Variants in HAUS6 observed in about 807,000 individuals in gnomAD.
The protein encoded by HAUS6 is HAUS augmin like complex subunit 6, also known as HAUS augmin-like complex subunit 6.
Under a neutral mutation model 106.8 loss-of-function variants are expected in HAUS6, and 80 were observed. The ratio of observed to expected loss-of-function variants is 0.75; its 90% CI spans 0.63 to 0.90. The LOEUF is 0.90. Ranked by LOEUF, HAUS6 falls within the 40% of genes least tolerant of loss-of-function variation. The pLI, the probability that HAUS6 is intolerant of heterozygous loss-of-function variation, is 0.00. For missense variants in HAUS6, 1,155 were observed against 1,118.1 expected, an observed-to-expected ratio of 1.03 and a Z score of -0.47; for synonymous variants, 356 against 379.1, an observed-to-expected ratio of 0.94 and a Z score of 0.71.
rs961913006 is a variant in HAUS6 at position 19,083,080 on chromosome 9, T to C, written c.700-37A>G. 4 of 1,312,238 alleles carry C rather than the reference T, an allele frequency of 3.0e-6. No homozygotes were observed. In the African/African-American group the frequency reaches 6.0e-5, roughly 20 times the overall value. The allele number at this position is 1,312,238 out of a possible 1,614,324, so 81.3% of individuals were successfully genotyped here. A position where few individuals can be genotyped will look rare whatever the true frequency, so the allele number is the denominator to read the frequency against. ...GAAACAAAATATTAAAGTCCACACA[T>C]AATCTGTACATATTTTAAAAATGTA... On this transcript the variant is annotated intron_variant, in intron 7 of 16. Transcript: ENST00000380502.
chr9:19,074,922 C>CA (rs1248168119), intron 11 of HAUS6, among the ~76,000 whole-genome samples: 1 of 152,042 alleles, frequency 6.6e-6, no homozygotes, highest in Non-Finnish European at 1.5e-5. Flanking sequence ...TGAGCTTCCA[C>CA]AAAAAACCTG....
chr9:19,071,090 A>G lies in HAUS6; in HGVS notation c.1295-790T>C, dbSNP rs542623857. On this transcript the variant is annotated intron_variant, in intron 11 of 16. Coordinates refer to ENST00000380502, the MANE Select transcript of HAUS6 (RefSeq NM_017645.5). The stretch of plus-strand genomic sequence containing the variant: ...CTTCTGAAAGGCTTTCCCCATTTGT[A>G]CATGTCCAAGTGGAACAGAAGCCAT... 6.6e-4 allele frequency among the ~76,000 whole-genome samples: 100 copies of G among 152,348 alleles called. 1 individual carries two copies. Among genetic ancestry groups the G allele is most frequent in the Non-Finnish European group, 1.3e-3 (86 of 68,042 alleles).
At position 19,056,400 on chromosome 9, in the gene HAUS6, T is replaced by G. The variant is rs201056474; in HGVS notation, c.2811A>C (p.Glu937Asp). Residue 937 changes from glutamate to aspartate, a missense_variant, in exon 17 of 17, where the codon GAA becomes GAC. Glu to Asp is a conservative substitution (Grantham distance 45). Transcript: ENST00000380502. ...SLGELPNLKE[E>D]DILNKSLDAK... ...CATCAAGGCTCTTATTCAAAATGTCTTCTTCTGCAAATTGATTTTAAAAAA... is the reference window on the plus strand; with the variant it reads ...CATCAAGGCTCTTATTCAAAATGTCGTCTTCTGCAAATTGATTTTAAAAAA... 2.7e-4 allele frequency: 412 copies of G among 1,544,864 alleles called. No individual in the cohort carries two copies. The highest frequency in any genetic ancestry group is 4.5e-4 in the South Asian group (40 of 89,290).
Position 19,062,990 on chromosome 9 carries a change from A to G in HAUS6, c.1629+18T>C. 2 of 1,567,038 alleles carry G rather than the reference A, an allele frequency of 1.3e-6. No homozygotes were observed. Among genetic ancestry groups the G allele is most frequent in the Non-Finnish European group, 8.8e-7 (1 of 1,140,048 alleles). On this transcript the variant is annotated intron_variant, in intron 14 of 16. Transcript: ENST00000380502. The stretch of plus-strand genomic sequence containing the variant: ...CAATAACTGATATTTAAGTATACTC[A>G]TTACAGTCTTTTCTCACCTCTTCTA...
chr9:19,091,997 C>G (rs1444233375), intron 4 of HAUS6, among the ~76,000 whole-genome samples: 2 of 151,966 alleles, frequency 1.3e-5, no homozygotes, highest in East Asian at 1.9e-4. Flanking sequence ...ACAAATTGCT[C>G]TTAAACATGA....
In HAUS6 at chr9:19,089,391, A is replaced by G. The variant is rs749393481; in HGVS notation, c.584+21T>C. On this transcript the variant is annotated intron_variant, in intron 5 of 16. Coordinates refer to ENST00000380502, the MANE Select transcript of HAUS6 (RefSeq NM_017645.5). The stretch of plus-strand genomic sequence containing the variant: ...GTTCAAAAGAAAGAAATTATTTTCT[A>G]ACTATCAAGGTACTACTTACTGTGC... 2.7e-6 allele frequency: 4 copies of G among 1,504,494 alleles called. No individual in the cohort carries two copies. In the South Asian group the frequency reaches 4.5e-5, roughly 17 times the overall value. 93.2% of individuals were successfully genotyped at this position (1,504,494 alleles called of 1,614,324 possible). A position where few individuals can be genotyped will look rare whatever the true frequency, so the allele number is the denominator to read the frequency against.
At chr9:19,059,984 T>C (rs780760518) in intron 15 of HAUS6, 104 bp downstream of exon 15, 3 of 831,422 alleles carry the variant, frequency 3.6e-6, no homozygotes, top group Non-Finnish European at 5.7e-6. Context: ...ACAGCATAAA[T>C]AAACAGCCTT....
Position 19,080,504 on chromosome 9 carries a change from T to C in HAUS6, c.1039A>G (p.Arg347Gly), listed in dbSNP as rs1837117268. Reference sequence around the variant, plus strand: ...CTCATATGTTTCAGATCTGATAATCTTTCCTTCTGAAATTTGGTCTCTTTT... The same window carrying C: ...CTCATATGTTTCAGATCTGATAATCCTTCCTTCTGAAATTTGGTCTCTTTT... ...LEKETKFQKE[R>G]LSDLKHMRYR... The change falls in exon 9 of 17, where the codon AGA becomes GGA. Residue 347 changes from arginine to glycine, a missense_variant. Arg to Gly is a moderately radical substitution (Grantham distance 125). Around this residue, in one of 3 missense-constraint regions of HAUS6, gnomAD observed 761 missense variants for 690.0 expected, o/e 1.10. Coordinates refer to ENST00000380502, the MANE Select transcript of HAUS6 (RefSeq NM_017645.5). The C allele has an allele frequency of 2.5e-6, 4 of 1,607,664 alleles. No homozygotes were observed. The African/African-American group carries it at 4.0e-5, about 16-fold the overall frequency.
chr9:19,088,714 A>C (rs1443447992), intron 5 of HAUS6, among the ~76,000 whole-genome samples: 1 of 133,848 alleles, frequency 7.5e-6, no homozygotes, highest in Non-Finnish European at 1.6e-5. Context: ...CTATAAATAC[A>C]AAAAAAAAAA....
chr9:19,098,264 G>A (rs567626756), intron 1 of HAUS6, among the ~76,000 whole-genome samples: 4 of 151,998 alleles, frequency 2.6e-5, no homozygotes, highest in South Asian at 4.2e-4. Context: ...ATGGCGAATC[G>A]CCATCTCCAC....
intron 1 of HAUS6, among the ~76,000 whole-genome samples, chr9:19,102,069 T>C (rs1156455325): frequency 1.3e-5 from 2 of 152,220 alleles, no homozygotes; most frequent in African/African-American, 2.4e-5. Flanking sequence ...CCCTTCTCCG[T>C]TGTTTTATGC....
intron 13 of HAUS6, 130 bp from the exon 14 acceptor site, chr9:19,063,323 C>T: frequency 1.4e-6 from 1 of 694,464 alleles, no homozygotes; most frequent in Non-Finnish European, 2.4e-6. Context: ...AATTGTATGT[C>T]ACTGGCAGAA....
At chr9:19,095,714 T>C (rs1208648924) in intron 2 of HAUS6, among the ~76,000 whole-genome samples, 1 of 152,136 alleles carries the variant, frequency 6.6e-6, no homozygotes, top group Non-Finnish European at 1.5e-5. Flanking sequence ...ATATAAAAGA[T>C]TGATGGTACA....
chr9:19,092,204 C>G (rs529059677), intron 4 of HAUS6, among the ~76,000 whole-genome samples: 1 of 151,880 alleles, frequency 6.6e-6, no homozygotes, highest in Non-Finnish European at 1.5e-5. Context: ...TGCATGTAAT[C>G]CCAGCACTTT....
At position 19,082,920 on chromosome 9, in the gene HAUS6, T is replaced by G. The variant is rs757424450; in HGVS notation, c.823A>C (p.Asn275His). Residue 275 changes from asparagine to histidine, a missense_variant, in exon 8 of 17, where the codon AAT becomes CAT. By Grantham distance (68) the Asn-to-His change is moderately conservative. This residue lies in a region of HAUS6 where 761 missense variants were observed against 690.0 expected (regional missense o/e 1.10). Transcript: ENST00000380502. ...YALDGTNVAI[N>H]IPRLLLDKIE... ...TTGTCAAGTAAGAGCCTTGGAATAT[T>G]AATAGCAACATTAGTTCCATCTAAA... 8 of 1,531,694 alleles carry G rather than the reference T, an allele frequency of 5.2e-6. No homozygotes were observed. The African/African-American group carries it at 5.6e-5, about 11-fold the overall frequency. The allele number at this position is 1,531,694 out of a possible 1,614,324, so 94.9% of individuals were successfully genotyped here.
At chr9:19,086,877 C>T in intron 6 of HAUS6, 95 bp from the exon 7 acceptor site, 2 of 651,898 alleles carry the variant, frequency 3.1e-6, no homozygotes, top group South Asian at 1.8e-5. Flanking sequence ...AACCCACCAA[C>T]AACCACCCCA....
At chr9:19,097,701 C>A (rs978716540) in intron 1 of HAUS6, among the ~76,000 whole-genome samples, 5 of 151,678 alleles carry the variant, frequency 3.3e-5, no homozygotes, top group Admixed American at 1.3e-4. Flanking sequence ...CCAGAACCAT[C>A]TTTATAACAT....
At chr9:19,094,998 C>T (rs1309147843) in intron 2 of HAUS6, among the ~76,000 whole-genome samples, 2 of 151,838 alleles carry the variant, frequency 1.3e-5, no homozygotes, top group Non-Finnish European at 2.9e-5. Flanking sequence ...CTCAATGGAT[C>T]CACTGGACTA....
Position 19,058,132 on chromosome 9 carries a change from G to A in HAUS6, c.2635C>T (p.Leu879Phe). ...TPQNVQTDDTLNFLDTCDLHT... is the reference protein window; with the variant it reads ...TPQNVQTDDTFNFLDTCDLHT... ...AAATCACAGGTGTCCAAAAAGTTAA[G>A]CGTATCATCTGTTTGTACATTTTGG... The change falls in exon 16 of 17, where the codon CTT (leucine) becomes TTT (phenylalanine). Residue 879 changes from leucine (L) to phenylalanine (F), a missense_variant. Leu to Phe is a conservative substitution (Grantham distance 22, BLOSUM62 0). Around this residue, in one of 3 missense-constraint regions of HAUS6, gnomAD observed 380 missense variants for 394.8 expected, o/e 0.96. Transcript: ENST00000380502. 6.2e-7 allele frequency: 1 copy of A among 1,614,030 alleles called. No homozygotes were observed. Among genetic ancestry groups the A allele is most frequent in the Non-Finnish European group, 8.5e-7 (1 of 1,179,924 alleles).
Sources: gnomAD v4.1 joint callset for allele counts (sites outside exome capture counted in the v4.1 genomes callset) on GRCh38, gnomAD v4.1.1 for gene constraint, gnomAD v4.1.1 regional missense constraint, MANE v1.5 for transcripts, NCBI Gene and HGNC (gene_info 2026-07-23, HGNC 2026-07-21) for gene names.